SMARCA4: variants seen among roughly 807,000 people sequenced by gnomAD.
The protein encoded by SMARCA4 is SWI/SNF-related matrix-associated actin-dependent regulator of chromatin subfamily A member 4.
SMARCA4 carries 31 observed loss-of-function variants against 193.9 expected under a neutral mutation model. The observed-to-expected ratio is 0.16, with a 90% CI of 0.12 to 0.22. The LOEUF (loss-of-function observed/expected upper bound fraction) is 0.22, where lower values mean the gene tolerates loss of function less well. SMARCA4 is among the 10% of genes least tolerant of loss of function. The pLI is 1.00. For synonymous variants in SMARCA4, 942 were observed against 933.1 expected (o/e 1.01, Z -0.17); for missense variants, 1,148 against 2,296.0 (o/e 0.50, Z 10.22).
At chr19:10,975,351 T>G (rs2085047090) in intron 1 of SMARCA4, among the ~76,000 whole-genome samples, 1 of 144,392 alleles carries the variant, frequency 6.9e-6, no homozygotes, top group Admixed American at 6.9e-5. Flanking sequence ...GTTTCTCTGT[T>G]GCCAGGCTGG....
intron 1 of SMARCA4, among the ~76,000 whole-genome samples, chr19:10,982,545 G>A (rs2085637267): frequency 6.6e-6 from 1 of 151,630 alleles, no homozygotes; most frequent in African/African-American, 2.4e-5. Flanking sequence ...TGTCGCCCAG[G>A]CTGGAGTGCG....
Position 11,008,049 on chromosome 19 carries a change from C to T in SMARCA4, c.2123+26C>T, listed in dbSNP as rs1324862576. 14 of 1,608,524 alleles carry T rather than the reference C, an allele frequency of 8.7e-6. No homozygotes were observed. The East Asian group carries it at 1.1e-4, about 13-fold the overall frequency. On this transcript the variant is annotated intron_variant, in intron 14 of 34. Coordinates refer to ENST00000344626, the MANE Select transcript of SMARCA4 (RefSeq NM_003072.5). ...GTAAGGGGTCCCGACACAGGTTGTTCTGTGCCAGCTTCCTGTGAGGTGGCG... is the reference window on the plus strand; with the variant it reads ...GTAAGGGGTCCCGACACAGGTTGTTTTGTGCCAGCTTCCTGTGAGGTGGCG...
At chr19:11,028,112 C>T (rs952602560) in intron 24 of SMARCA4, among the ~76,000 whole-genome samples, 162 bp downstream of exon 24, 30 of 152,142 alleles carry the variant, frequency 2.0e-4, no homozygotes, top group African/African-American at 7.0e-4. Context: ...CTTGGGCACT[C>T]GGCACTGGGA....
intron 1 of SMARCA4, among the ~76,000 whole-genome samples, chr19:10,973,482 G>C (rs2084844466): frequency 6.6e-6 from 1 of 151,592 alleles, no homozygotes; most frequent in Non-Finnish European, 1.5e-5. Context: ...CTCACTGCAA[G>C]CTCCGCCTAC....
intron 1 of SMARCA4, among the ~76,000 whole-genome samples, chr19:10,982,129 C>T (rs1217616451): frequency 1.3e-5 from 2 of 151,912 alleles, no homozygotes; most frequent in African/African-American, 4.8e-5. Context: ...ACCTGAAGGT[C>T]AGACGTTCGA....
rs1230404724 is a variant in SMARCA4 at position 11,061,222 on chromosome 19, T to A, written c.4912-562T>A. Among the ~76,000 whole-genome samples the A allele has an allele frequency of 2.5e-3, 336 of 134,138 alleles. 4 individuals carry two copies. The highest frequency in any genetic ancestry group is 7.6e-3 in the Middle Eastern group (2 of 264). 88.0% of individuals were successfully genotyped at this position (134,138 alleles called of 152,430 possible). A position where few individuals can be genotyped will look rare whatever the true frequency, so the allele number is the denominator to read the frequency against. The stretch of plus-strand genomic sequence containing the variant: ...AAAAAAAAATATATATATATATATA[T>A]ATATATATATATATATATATGAAAG... On this transcript the variant is annotated intron_variant, in intron 34 of 34. Transcript: ENST00000344626.
chr19:10,976,753 C>CAAAAA (rs79633492), intron 1 of SMARCA4, among the ~76,000 whole-genome samples: 1 of 125,304 alleles, frequency 8.0e-6, no homozygotes. Context: ...GACCCTGTCT[C>CAAAAA]AAAAAAAAAA....
In SMARCA4 at chr19:11,041,326, T is replaced by A; in HGVS notation, c.4190T>A (p.Leu1397Gln). Reference sequence around the variant, plus strand: ...CTGAAGGCCATCGAGGAGGGCACGCTGGAGGAGATCGAAGAGGAGGTCCGG... The same window carrying A: ...CTGAAGGCCATCGAGGAGGGCACGCAGGAGGAGATCGAAGAGGAGGTCCGG... Reference protein sequence around the residue: ...QWLKAIEEGTLEEIEEEVRQK... With the variant: ...QWLKAIEEGTQEEIEEEVRQK... The change falls in exon 30 of 35, where the codon CTG becomes CAG. Residue 1397 changes from leucine (L) to glutamine (Q), a missense_variant. By Grantham distance (113) the Leu-to-Gln change is moderately radical (BLOSUM62 -2). Around this residue, in one of 17 missense-constraint regions of SMARCA4, gnomAD observed 84 missense variants for 202.2 expected, o/e 0.42. Coordinates refer to ENST00000344626, the MANE Select transcript of SMARCA4 (RefSeq NM_003072.5). This position sits in a 1 kb window ranked among gnomAD's most constrained non-coding sequence, Gnocchi z 5.6. 6.2e-7 allele frequency: 1 copy of A among 1,611,614 alleles called. No homozygotes were observed. The highest frequency in any genetic ancestry group is 8.5e-7 in the Non-Finnish European group (1 of 1,179,964).
chr19:11,024,204 C>A, intron 20 of SMARCA4, 127 bp from the exon 21 acceptor site: 1 of 728,436 alleles, frequency 1.4e-6, no homozygotes, highest in South Asian at 1.4e-5. Context: ...GTCTCCTCAC[C>A]CACACCCCAG....
intron 1 of SMARCA4, among the ~76,000 whole-genome samples, chr19:10,970,929 T>C (rs2084617923): frequency 6.6e-6 from 1 of 152,176 alleles, no homozygotes. Context: ...CCAGGCACGG[T>C]GGCTCACGCC....
At chr19:10,961,972 A>ATTTTT (rs1291248772) in intron 1 of SMARCA4, among the ~76,000 whole-genome samples, 8 of 121,758 alleles carry the variant, frequency 6.6e-5, no homozygotes, top group African/African-American at 1.2e-4. Context: ...ACCAGTCTTG[A>ATTTTT]TTTTTTTTTT....
chr19:10,985,898 C>T lies in SMARCA4; in HGVS notation c.356-291C>T, dbSNP rs563374293. Among the ~76,000 whole-genome samples, 36 of 152,264 alleles carry T rather than the reference C, an allele frequency of 2.4e-4. No individual in the cohort carries two copies. The South Asian group carries it at 3.7e-3, about 16-fold the overall frequency. ...CTGGCGAGCCCGAGGATGTGGACCCCGCCTGTGGACAGGCAGGCGGAAGCC... is the reference window on the plus strand; with the variant it reads ...CTGGCGAGCCCGAGGATGTGGACCCTGCCTGTGGACAGGCAGGCGGAAGCC... On this transcript the variant is annotated intron_variant, in intron 3 of 34. Transcript: ENST00000344626. This position sits in a 1 kb window ranked among gnomAD's most constrained non-coding sequence, Gnocchi z 4.5.
intron 8 of SMARCA4, among the ~76,000 whole-genome samples, chr19:10,993,447 G>A (rs988931929): frequency 2.6e-5 from 4 of 152,186 alleles, no homozygotes; most frequent in Non-Finnish European, 4.4e-5. Flanking sequence ...GCTAGGACCG[G>A]AATTCTTGGC....
rs922531392 is a variant in SMARCA4 at position 10,985,062 on chromosome 19, T to C, written c.223-211T>C. ...ACCACAGTCTCCCATATGCTCGTGC[T>C]CCACTGGGCGACATTTATTTTGTGT... On this transcript the variant is annotated intron_variant, in intron 2 of 34. Transcript: ENST00000344626. The surrounding 1 kb of genome is among the most constrained non-coding windows in gnomAD (Gnocchi z 4.5). Among the ~76,000 whole-genome samples the C allele has an allele frequency of 3.3e-5, 5 of 152,112 alleles. No homozygotes were observed. Among genetic ancestry groups the C allele is most frequent in the Admixed American group, 2.6e-4 (4 of 15,268 alleles).
chr19:10,993,165 T>G (rs1266326231), intron 8 of SMARCA4, among the ~76,000 whole-genome samples: 1 of 151,850 alleles, frequency 6.6e-6, no homozygotes, highest in Non-Finnish European at 1.5e-5. Flanking sequence ...TTTGTACTTT[T>G]AGTAGAGATG....
chr19:11,025,701 G>A (rs889927101), intron 22 of SMARCA4, 193 bp downstream of exon 22: 16 of 605,428 alleles, frequency 2.6e-5, no homozygotes, highest in African/African-American at 3.6e-5. Flanking sequence ...AGGGCGCAAC[G>A]TGCGATAGGA....
rs1600138528 is a variant in SMARCA4 at position 11,003,737 on chromosome 19, A to T, written c.2001+340A>T. ...TTTTTTTTTTTTTTTTTTGAAACGGAGTCTCACTCTGTCACCCAGGCTGGA... is the reference window on the plus strand; with the variant it reads ...TTTTTTTTTTTTTTTTTTGAAACGGTGTCTCACTCTGTCACCCAGGCTGGA... On this transcript the variant is annotated intron_variant, in intron 13 of 34. Coordinates refer to ENST00000344626, the MANE Select transcript of SMARCA4 (RefSeq NM_003072.5). Among the ~76,000 whole-genome samples, 7 of 129,166 alleles carry T rather than the reference A, an allele frequency of 5.4e-5. No individual in the cohort carries two copies. In the South Asian group the frequency reaches 1.7e-3, roughly 31 times the overall value. 84.7% of individuals were successfully genotyped at this position (129,166 alleles called of 152,430 possible).
intron 1 of SMARCA4, among the ~76,000 whole-genome samples, chr19:10,967,834 G>A (rs1229145601): frequency 4.0e-5 from 6 of 151,298 alleles, no homozygotes; most frequent in Admixed American, 6.6e-5. Context: ...ACAGGCGTGC[G>A]CCACCATGCC....
rs1461859748 is a variant in SMARCA4, at chr19:10,991,239, G to C, written c.1335G>C (p.Gln445His). The change falls in exon 8 of 35, where the codon CAG (glutamine) becomes CAC (histidine). Residue 445 changes from glutamine (Q) to histidine (H), a missense_variant. Gln to His is a conservative substitution (Grantham distance 24). This residue lies in a region of SMARCA4 where 69 missense variants were observed against 186.9 expected (regional missense o/e 0.37). Coordinates refer to ENST00000344626, the MANE Select transcript of SMARCA4 (RefSeq NM_003072.5). The part of the protein sequence containing the change: ...NAKAYKRSKR[Q>H]SLREARITEK... ...AGGCCTACAAGCGCAGCAAGCGCCA[G>C]TCCCTGCGCGAGGCCCGCATCACTG... The C allele has an allele frequency of 6.2e-7, 1 of 1,613,538 alleles. No homozygotes were observed. Among genetic ancestry groups the C allele is most frequent in the Non-Finnish European group, 8.5e-7 (1 of 1,179,882 alleles).
Sources: gnomAD v4.1 joint callset for allele counts (sites outside exome capture counted in the v4.1 genomes callset) on GRCh38, gnomAD v4.1.1 for gene constraint, gnomAD v4.1.1 regional missense constraint, Gnocchi (gnomAD v3.1) non-coding constraint, MANE v1.5 for transcripts, NCBI Gene and HGNC (gene_info 2026-07-23, HGNC 2026-07-21) for gene names.